The following GLIS1 variants were observed in gnomAD, a reference collection of about 807,000 sequenced individuals.
The protein encoded by GLIS1 is GLIS family zinc finger 1.
A neutral mutation model predicts 63.8 loss-of-function variants in GLIS1; 24 were observed. That is an observed-to-expected ratio of 0.38 (90% confidence interval 0.27 to 0.53). The LOEUF (loss-of-function observed/expected upper bound fraction) is 0.53. GLIS1 is among the 20% of genes least tolerant of loss of function. The pLI is 0.85. For missense variants in GLIS1, 1,036 were observed against 1,074.1 expected, an observed-to-expected ratio of 0.96 and a Z score of 0.50; for synonymous variants, 450 against 482.5, an observed-to-expected ratio of 0.93 and a Z score of 0.88.
At position 53,520,754 on chromosome 1, in the gene GLIS1, G is replaced by A; in HGVS notation, c.1606C>T (p.Pro536Ser). The change falls in exon 7 of 11, where the codon CCT becomes TCT. Residue 536 changes from proline to serine, a missense_variant. By Grantham distance (74) the Pro-to-Ser change is moderately conservative. Coordinates refer to ENST00000628545, the MANE Select transcript of GLIS1 (RefSeq NM_001367484.1). The stretch of plus-strand genomic sequence containing the variant: ...GTCAGGACGTCGGCCTCGGTGTCAG[G>A]GCCCGCATGCAGCTGGGGAGCAAGC... ...QQVRKKLHAG[P>S]DTEADVLTEC... is the part of the protein sequence containing the mutation. The A allele has an allele frequency of 1.9e-6, 3 of 1,606,438 alleles. No individual in the cohort carries two copies. The highest frequency in any genetic ancestry group is 1.7e-6 in the Non-Finnish European group (2 of 1,176,578).
chr1:53,726,288 C>G (rs1298574353), intron 2 of GLIS1, among the ~76,000 whole-genome samples: 2 of 152,154 alleles, frequency 1.3e-5, no homozygotes, highest in African/African-American at 4.8e-5. Context: ...CCGGGCACAT[C>G]ATTTAGCTTC....
chr1:53,736,822 G>A (rs1646916741), intron 2 of GLIS1, among the ~76,000 whole-genome samples: 1 of 152,202 alleles, frequency 6.6e-6, no homozygotes, highest in Non-Finnish European at 1.5e-5. Context: ...AAAGTAGGCT[G>A]CCTACCCCTT....
intron 2 of GLIS1, among the ~76,000 whole-genome samples, chr1:53,685,959 T>C (rs1214127465): frequency 6.6e-6 from 1 of 152,150 alleles, no homozygotes; most frequent in Non-Finnish European, 1.5e-5. Flanking sequence ...CTCCCTCTCA[T>C]GCATGGGTTC....
chr1:53,621,923 G>C lies in GLIS1; in HGVS notation c.260-21645C>G, dbSNP rs182482645. Among the ~76,000 whole-genome samples the C allele has an allele frequency of 7.7e-3, 1,177 of 152,076 alleles. 13 individuals are homozygous for C. Among genetic ancestry groups the C allele is most frequent in the Non-Finnish European group, 0.013 (859 of 67,994 alleles). ...CCTCCTGGGTTCAGGTGATTCTCCTGCCTCAGCTTCCCGAGTGGCTGGGAC... is the reference window on the plus strand; with the variant it reads ...CCTCCTGGGTTCAGGTGATTCTCCTCCCTCAGCTTCCCGAGTGGCTGGGAC... On this transcript the variant is annotated intron_variant, in intron 2 of 10. Transcript: ENST00000628545.
At chr1:53,702,410 C>T (rs1371360360) in intron 2 of GLIS1, among the ~76,000 whole-genome samples, 1 of 152,258 alleles carries the variant, frequency 6.6e-6, no homozygotes, top group Non-Finnish European at 1.5e-5. Flanking sequence ...CATTAGCACA[C>T]ATGAGCATGA....
At chr1:53,590,979 A>C (rs1448001094) in intron 4 of GLIS1, among the ~76,000 whole-genome samples, 3 of 152,176 alleles carry the variant, frequency 2.0e-5, no homozygotes, top group Admixed American at 2.0e-4. Flanking sequence ...GGAGTGTTCC[A>C]GTGGGATGGG....
chr1:53,719,714 T>C (rs1646734519), intron 2 of GLIS1, among the ~76,000 whole-genome samples: 1 of 151,324 alleles, frequency 6.6e-6, no homozygotes, highest in Non-Finnish European at 1.5e-5. Flanking sequence ...AAAAACCAAA[T>C]CCTCTGTGGA....
chr1:53,509,873 G>A lies in GLIS1; in HGVS notation c.2038C>T (p.Pro680Ser). The change falls in exon 9 of 11, where the codon CCC (proline) becomes TCC (serine). Residue 680 changes from proline (P) to serine (S), a missense_variant. Around this residue, in one of 3 missense-constraint regions of GLIS1, gnomAD observed 400 missense variants for 400.9 expected, o/e 1.00. Transcript: ENST00000628545. ...CCTTGTGGGCTGGGCAGAGGCGGGGGTGGAGGGCTCTGGAAGGGTGGGTAG... is the reference window on the plus strand; with the variant it reads ...CCTTGTGGGCTGGGCAGAGGCGGGGATGGAGGGCTCTGGAAGGGTGGGTAG... ...PSYPPFQSPPPPPLPSPQGYQ... is the reference protein window; with the variant it reads ...PSYPPFQSPPSPPLPSPQGYQ... 1.5e-6 allele frequency: 2 copies of A among 1,308,046 alleles called. No homozygotes were observed. The highest frequency in any genetic ancestry group is 6.2e-5 in the Admixed American group (2 of 32,268). 81.0% of individuals were successfully genotyped at this position (1,308,046 alleles called of 1,614,324 possible).
At chr1:53,710,842 CA>C (rs1179395134) in intron 2 of GLIS1, among the ~76,000 whole-genome samples, 1 of 152,182 alleles carries the variant, frequency 6.6e-6, no homozygotes, top group Non-Finnish European at 1.5e-5. Context: ...TGTTCCTAAA[CA>C]GAGTAATTAG....
intron 2 of GLIS1, among the ~76,000 whole-genome samples, chr1:53,720,711 C>T (rs911711935): frequency 2.0e-5 from 3 of 152,162 alleles, no homozygotes; most frequent in Non-Finnish European, 2.9e-5. Context: ...AATCATTACA[C>T]GTTGTATGCA....
At chr1:53,587,528 A>G (rs1645148006) in intron 4 of GLIS1, among the ~76,000 whole-genome samples, 1 of 152,126 alleles carries the variant, frequency 6.6e-6, no homozygotes, top group Admixed American at 6.6e-5. Context: ...TTTGACCAGA[A>G]ACCCCAGCCT....
intron 2 of GLIS1, among the ~76,000 whole-genome samples, chr1:53,673,740 C>G (rs1025540403): frequency 1.3e-5 from 2 of 152,220 alleles, no homozygotes; most frequent in African/African-American, 4.8e-5. Context: ...TTCTCTAGAA[C>G]AAGAATTAAG....
intron 2 of GLIS1, among the ~76,000 whole-genome samples, chr1:53,732,783 T>C (rs1378566269): frequency 1.5e-5 from 2 of 136,890 alleles, no homozygotes; most frequent in South Asian, 2.5e-4. Context: ...TCCAAAATAA[T>C]TGCAACGGAA....
chr1:53,645,505 A>G (rs1485565824), intron 2 of GLIS1, among the ~76,000 whole-genome samples: 1 of 151,262 alleles, frequency 6.6e-6, no homozygotes, highest in Non-Finnish European at 1.5e-5. Context: ...ATGGGGAATG[A>G]CTCCTCCCGC....
intron 2 of GLIS1, among the ~76,000 whole-genome samples, chr1:53,730,560 T>C (rs1454321411): frequency 6.6e-6 from 1 of 152,136 alleles, no homozygotes; most frequent in Non-Finnish European, 1.5e-5. Context: ...AAAGGTAACA[T>C]CTAAAAGAGT....
At chr1:53,708,991 C>T (rs2100515769) in intron 2 of GLIS1, among the ~76,000 whole-genome samples, 1 of 152,194 alleles carries the variant, frequency 6.6e-6, no homozygotes, top group South Asian at 2.1e-4. Flanking sequence ...GAAGTGTGTA[C>T]ATTCATGGAG....
intron 4 of GLIS1, among the ~76,000 whole-genome samples, chr1:53,538,782 C>A (rs1644608400): frequency 6.6e-6 from 1 of 152,184 alleles, no homozygotes; most frequent in Non-Finnish European, 1.5e-5. Context: ...ACCAGGAACA[C>A]ACTGACAGCT....
intron 2 of GLIS1, among the ~76,000 whole-genome samples, chr1:53,656,119 C>T (rs1302348235): frequency 6.6e-6 from 1 of 152,186 alleles, no homozygotes; most frequent in Non-Finnish European, 1.5e-5. Context: ...CCTCCTGCCC[C>T]CAGTGGAAGA....
At chr1:53,507,687 C>G (rs1644249478) in intron 10 of GLIS1, among the ~76,000 whole-genome samples, 1 of 152,172 alleles carries the variant, frequency 6.6e-6, no homozygotes, top group Admixed American at 6.5e-5. Context: ...GAGGTGTGCA[C>G]AGAAAGGCAG....
Sources: allele counts gnomAD v4.1 joint callset (sites outside exome capture counted in the v4.1 genomes callset), GRCh38; gene constraint gnomAD v4.1.1; regional missense constraint gnomAD v4.1.1; transcripts MANE v1.5; gene names NCBI Gene and HGNC (gene_info 2026-07-23, HGNC 2026-07-21).